Variants in CDH10 observed in about 807,000 individuals in gnomAD.
The protein encoded by CDH10 is cadherin 10.
Under a neutral mutation model 73.1 loss-of-function variants are expected in CDH10, and 30 were observed. That is an observed-to-expected ratio of 0.41 (90% CI 0.31 to 0.56). The LOEUF is 0.56. Among genes scored for constraint, CDH10 ranks in the 20% least tolerant of loss-of-function variants. CDH10 has a pLI of 0.27. For synonymous variants in CDH10, 345 were observed against 348.2 expected (o/e 0.99, Z 0.10); for missense variants, 815 against 973.7 (o/e 0.84, Z 2.17).
At chr5:24,513,208 C>T (rs543253939) in intron 5 of CDH10, among the ~76,000 whole-genome samples, 18 of 151,696 alleles carry the variant, frequency 1.2e-4, no homozygotes, top group Admixed American at 5.9e-4. Flanking sequence ...TAGTAGAGAC[C>T]GGATTTTACC....
chr5:24,505,281 A>C (rs1742663745), intron 7 of CDH10, 33 bp from the exon 8 acceptor site: 2 of 1,594,356 alleles, frequency 1.3e-6, no homozygotes, highest in Non-Finnish European at 1.7e-6. Context: ...AATACATGGC[A>C]GCATTATTAA....
In CDH10 at chr5:24,588,132, C is replaced by A. The variant is rs1579849015; in HGVS notation, c.231+5128G>T. On this transcript the variant is annotated intron_variant, in intron 2 of 11. Transcript: ENST00000264463. ...GTCTATATTCATGCAAATGTCCACT[C>A]ATCAGGAAGATATTTATAATCATTT... Among the ~76,000 whole-genome samples, 6 of 152,294 alleles carry A rather than the reference C, an allele frequency of 3.9e-5. No individual in the cohort carries two copies. The South Asian group carries it at 1.2e-3, about 32-fold the overall frequency.
chr5:24,504,540 T>TTTTTTTTTTTTTTTTTTTG (rs2111721156), intron 8 of CDH10, among the ~76,000 whole-genome samples: 1 of 91,976 alleles, frequency 1.1e-5, no homozygotes, highest in South Asian at 3.7e-4. Flanking sequence ...TTTTTTTTTT[T>TTTTTTTTTTTTTTTTTTTG]TTTAAGATGG....
intron 1 of CDH10, among the ~76,000 whole-genome samples, chr5:24,633,294 A>G (rs577510473): frequency 2.6e-5 from 4 of 151,850 alleles, no homozygotes; most frequent in Admixed American, 6.6e-5. Flanking sequence ...CTGCAAGTAC[A>G]TTACTACTTT....
intron 9 of CDH10, among the ~76,000 whole-genome samples, chr5:24,497,847 A>G (rs1742348258): frequency 6.6e-6 from 1 of 152,210 alleles, no homozygotes; most frequent in Admixed American, 6.5e-5. Context: ...CTGATGCAGA[A>G]AAAATGTTTT....
At chr5:24,530,270 A>T (rs904577157) in intron 5 of CDH10, among the ~76,000 whole-genome samples, 2 of 151,860 alleles carry the variant, frequency 1.3e-5, no homozygotes, top group African/African-American at 4.8e-5. Context: ...AACTATGGGC[A>T]GATGAAAATC....
At chr5:24,541,363 C>T (rs192446314) in intron 2 of CDH10, among the ~76,000 whole-genome samples, 9 of 151,974 alleles carry the variant, frequency 5.9e-5, no homozygotes, top group East Asian at 1.9e-4. Context: ...ATTCTTTGTG[C>T]GTCTGCGGCA....
At chr5:24,503,695 G>T (rs1454061286) in intron 8 of CDH10, among the ~76,000 whole-genome samples, 1 of 152,144 alleles carries the variant, frequency 6.6e-6, no homozygotes, top group Non-Finnish European at 1.5e-5. Context: ...AATCTCAGTT[G>T]TGCTACCTCT....
chr5:24,604,475 T>G (rs899516759), intron 1 of CDH10, among the ~76,000 whole-genome samples: 11 of 152,194 alleles, frequency 7.2e-5, no homozygotes, highest in Non-Finnish European at 1.5e-4. Context: ...TTCTTTGAGA[T>G]GATACCTAAA....
intron 2 of CDH10, among the ~76,000 whole-genome samples, chr5:24,581,853 A>G (rs1019939469): frequency 3.9e-5 from 6 of 152,218 alleles, no homozygotes; most frequent in African/African-American, 1.4e-4. Flanking sequence ...TTGGTAACAC[A>G]AAAAGTAAAC....
chr5:24,536,801 T>C (rs555067463), intron 3 of CDH10, among the ~76,000 whole-genome samples: 3 of 152,042 alleles, frequency 2.0e-5, no homozygotes, highest in South Asian at 2.1e-4. Flanking sequence ...TATTTAACCA[T>C]AGGTTTTCAA....
At chr5:24,633,542 C>G (rs552984662) in intron 1 of CDH10, among the ~76,000 whole-genome samples, 1 of 151,884 alleles carries the variant, frequency 6.6e-6, no homozygotes, top group South Asian at 2.1e-4. Context: ...AACAATAATT[C>G]AGCCCCTGGT....
chr5:24,580,723 C>T (rs891329824), intron 2 of CDH10, among the ~76,000 whole-genome samples: 1 of 152,132 alleles, frequency 6.6e-6, no homozygotes, highest in African/African-American at 2.4e-5. Flanking sequence ...TAAAACAACA[C>T]AAATTAATTT....
intron 2 of CDH10, among the ~76,000 whole-genome samples, chr5:24,551,974 A>G (rs1237945033): frequency 1.3e-5 from 2 of 151,976 alleles, no homozygotes; most frequent in Non-Finnish European, 2.9e-5. Flanking sequence ...TTTGACATGG[A>G]TTTTCTACAT....
chr5:24,611,900 C>T (rs1272072296), intron 1 of CDH10: 1 of 152,126 alleles, frequency 6.6e-6, no homozygotes, highest in Non-Finnish European at 1.5e-5. Context: ...GGCCAATAGC[C>T]ATCAAGAAAC....
intron 1 of CDH10, chr5:24,612,625 G>C (rs1746988062): frequency 6.8e-6 from 1 of 147,406 alleles, no homozygotes. Context: ...ATTATTGGGG[G>C]TAAAACTACA....
At chr5:24,587,318 CAAT>C (rs762705541) in intron 2 of CDH10, among the ~76,000 whole-genome samples, 4 of 152,114 alleles carry the variant, frequency 2.6e-5, no homozygotes, top group Non-Finnish European at 4.4e-5. Context: ...TGAGCAAACA[CAAT>C]AACAAACATC....
chr5:24,542,658 G>T (rs1013565241), intron 2 of CDH10, among the ~76,000 whole-genome samples: 13 of 152,212 alleles, frequency 8.5e-5, no homozygotes, highest in African/African-American at 3.1e-4. Flanking sequence ...CCACAGACTG[G>T]GTGGCTTATA....
At chr5:24,603,233 A>C (rs1746631000) in intron 1 of CDH10, among the ~76,000 whole-genome samples, 1 of 152,150 alleles carries the variant, frequency 6.6e-6, no homozygotes, top group South Asian at 2.1e-4. Flanking sequence ...ATTCAATTCA[A>C]TCTGCACATT....
Sources: allele counts gnomAD v4.1 joint callset (sites outside exome capture counted in the v4.1 genomes callset), GRCh38; gene constraint gnomAD v4.1.1; transcripts MANE v1.5; gene names NCBI Gene and HGNC (gene_info 2026-07-23, HGNC 2026-07-21).